PCDHGB2: variants seen among roughly 807,000 people sequenced by gnomAD.
The protein encoded by PCDHGB2 is protocadherin gamma subfamily B, 2.
In PCDHGB2, 55 loss-of-function variants were observed where a neutral mutation model predicts 59.3. The ratio of observed to expected loss-of-function variants is 0.93; its 90% CI spans 0.75 to 1.16. The LOEUF (loss-of-function observed/expected upper bound fraction) is 1.16. PCDHGB2 is among the 50% of genes most tolerant of loss of function. The pLI is 0.00. For missense variants in PCDHGB2, 1,228 were observed against 1,198.5 expected, an observed-to-expected ratio of 1.02 and a Z score of -0.36; for synonymous variants, 516 against 512.0, an observed-to-expected ratio of 1.01 and a Z score of -0.11.
Position 141,365,430 on chromosome 5 carries a change from C to T in PCDHGB2, c.2421+2874C>T, listed in dbSNP as rs151160787. The stretch of plus-strand genomic sequence containing the variant: ...GACTGTCTTCCCGGAACTGTAATCG[C>T]GCTGTTTAGCGTACATGATGGTGAT... On this transcript the variant is annotated intron_variant, in intron 1 of 3. Coordinates refer to ENST00000522605, the MANE Select transcript of PCDHGB2 (RefSeq NM_018923.3). 2.0e-4 allele frequency: 316 copies of T among 1,613,960 alleles called. 3 individuals are homozygous for T. The East Asian group carries it at 6.1e-3, about 31-fold the overall frequency.
At chr5:141,416,711 C>G (rs962144454) in intron 1 of PCDHGB2, 1 of 152,152 alleles carries the variant, frequency 6.6e-6, no homozygotes, top group South Asian at 2.1e-4. Context: ...ATTGGAGGTA[C>G]TGATGAGTTC....
chr5:141,433,259 T>C (rs776486704), intron 1 of PCDHGB2: 3 of 1,380,658 alleles, frequency 2.2e-6, no homozygotes, highest in Non-Finnish European at 3.0e-6. Flanking sequence ...AGCGGTACGA[T>C]CATAGCTCAC....
intron 1 of PCDHGB2, among the ~76,000 whole-genome samples, chr5:141,368,579 A>G (rs28694549): frequency 0.14 from 21,947 of 152,060 alleles, 2,144 homozygotes; most frequent in African/African-American, 0.28. Flanking sequence ...TCTTAGGGTA[A>G]GGTGTTTGGG....
At chr5:141,482,033 C>G (rs1185284483) in intron 1 of PCDHGB2, among the ~76,000 whole-genome samples, 1 of 149,194 alleles carries the variant, frequency 6.7e-6, no homozygotes, top group African/African-American at 2.5e-5. Flanking sequence ...TGCAGTGAGC[C>G]AAGATCATGC....
chr5:141,505,320 C>G, intron 2 of PCDHGB2, 73 bp from the exon 3 acceptor site: 2 of 1,605,358 alleles, frequency 1.2e-6, no homozygotes, highest in Non-Finnish European at 1.7e-6. Context: ...TTTGGGAGCC[C>G]TGGGAGAGGA....
chr5:141,397,375 T>C (rs2093516481), intron 1 of PCDHGB2, among the ~76,000 whole-genome samples: 1 of 152,174 alleles, frequency 6.6e-6, no homozygotes, highest in South Asian at 2.1e-4. Context: ...TGTTTGGGGA[T>C]TGGTATAAAA....
chr5:141,489,089 A>C lies in PCDHGB2; in HGVS notation c.2422-5718A>C. 6 of 284,452 alleles carry C rather than the reference A, an allele frequency of 2.1e-5. No individual in the cohort carries two copies. The highest frequency in any genetic ancestry group is 5.7e-5 in the East Asian group (1 of 17,568). The allele number at this position is 284,452 out of a possible 1,614,324, so 17.6% of individuals were successfully genotyped here. A position where few individuals can be genotyped will look rare whatever the true frequency, so the allele number is the denominator to read the frequency against. Reference sequence around the variant, plus strand: ...CCCTGCCCACCCCCGCCACTCGGTGACTAAGAACTGCTGCAAGCAGGCAAA... The same window carrying C: ...CCCTGCCCACCCCCGCCACTCGGTGCCTAAGAACTGCTGCAAGCAGGCAAA... On this transcript the variant is annotated intron_variant, in intron 1 of 3. Transcript: ENST00000522605. This position sits in a 1 kb window ranked among gnomAD's most constrained non-coding sequence, Gnocchi z 4.5.
Position 141,394,314 on chromosome 5 carries a change from CT to C in PCDHGB2, c.2421+31759del, listed in dbSNP as rs772070804. On this transcript the variant is annotated intron_variant, in intron 1 of 3. Transcript: ENST00000522605. ...CGAGGACACGCTGCAGGGGGCGCCC[CT>C]GTCCTCGTATATCTCCATCAACTCT... 4.3e-6 allele frequency: 7 copies of C among 1,614,038 alleles called. 1 individual carries two copies. Among genetic ancestry groups the C allele is most frequent in the East Asian group, 4.5e-5 (2 of 44,882 alleles).
At chr5:141,450,829 ATT>A (rs373424450) in intron 1 of PCDHGB2, among the ~76,000 whole-genome samples, 3 of 135,116 alleles carry the variant, frequency 2.2e-5, no homozygotes, top group African/African-American at 2.7e-5. Flanking sequence ...TATTATTATT[ATT>A]TTTTTTTTTT....
At chr5:141,383,558 C>A (rs374657057) in intron 1 of PCDHGB2, 1 of 1,612,822 alleles carries the variant, frequency 6.2e-7, no homozygotes, top group Admixed American at 1.7e-5. Flanking sequence ...GGCGGCGACC[C>A]GCCCCGATCC....
chr5:141,393,937 A>G lies in PCDHGB2; in HGVS notation c.2421+31381A>G, dbSNP rs751838967. 26 of 1,613,788 alleles carry G rather than the reference A, an allele frequency of 1.6e-5. 2 individuals are homozygous for G. In the South Asian group the frequency reaches 2.9e-4, roughly 18 times the overall value. On this transcript the variant is annotated intron_variant, in intron 1 of 3. Coordinates refer to ENST00000522605, the MANE Select transcript of PCDHGB2 (RefSeq NM_018923.3). ...GCCTTCTTGAGTGTGCATGACCAAG[A>G]CTCTGGAAAGAATGGTCAAGTTGTC...
Position 141,431,264 on chromosome 5 carries a change from A to T in PCDHGB2, c.2422-63543A>T. The T allele has an allele frequency of 6.2e-7, 1 of 1,614,170 alleles. No individual in the cohort carries two copies. On this transcript the variant is annotated intron_variant, in intron 1 of 3. Coordinates refer to ENST00000522605, the MANE Select transcript of PCDHGB2 (RefSeq NM_018923.3). This position sits in a 1 kb window ranked among gnomAD's most constrained non-coding sequence, Gnocchi z 4.8. ...GGATATCGGGAAGAACTCTCTGCAG[A>T]GCTACGAGCTCAGCCCGAACACTCA...
At chr5:141,390,230 A>T (rs2092091822) in intron 1 of PCDHGB2, 1 of 1,614,072 alleles carries the variant, frequency 6.2e-7, no homozygotes, top group Admixed American at 1.7e-5. Flanking sequence ...GCGGTGATTC[A>T]TCTGGGGCCT....
At chr5:141,418,899 T>C (rs1320380997) in intron 1 of PCDHGB2, 1 of 1,613,944 alleles carries the variant, frequency 6.2e-7, no homozygotes. Flanking sequence ...AGCCCAGAAA[T>C]AATCATCACG....
chr5:141,420,313 C>A, intron 1 of PCDHGB2: 1 of 1,434,874 alleles, frequency 7.0e-7, no homozygotes, highest in Non-Finnish European at 9.4e-7. Flanking sequence ...TTTTATATTA[C>A]AATATGCCAA....
intron 1 of PCDHGB2, among the ~76,000 whole-genome samples, chr5:141,387,440 A>G (rs2090946110): frequency 6.6e-6 from 1 of 152,240 alleles, no homozygotes; most frequent in African/African-American, 2.4e-5. Flanking sequence ...TATGTACTTA[A>G]TCTACATGAT....
At chr5:141,365,681 A>C in intron 1 of PCDHGB2, 2 of 1,613,224 alleles carry the variant, frequency 1.2e-6, no homozygotes, top group Non-Finnish European at 8.5e-7. Flanking sequence ...CAACCCACCC[A>C]ATTTCCCTCA....
chr5:141,500,877 A>ATTT (rs369345007), intron 2 of PCDHGB2, among the ~76,000 whole-genome samples: 1 of 122,288 alleles, frequency 8.2e-6, no homozygotes, highest in Admixed American at 8.0e-5. Context: ...TTCATTTACA[A>ATTT]TTTTTTTTTT....
chr5:141,376,493 C>T (rs1772744309), intron 1 of PCDHGB2: 1 of 1,614,130 alleles, frequency 6.2e-7, no homozygotes, highest in Non-Finnish European at 8.5e-7. Flanking sequence ...GAAAGGAGAA[C>T]CCAGGCAACT....
Sources: gnomAD v4.1 joint callset for allele counts (sites outside exome capture counted in the v4.1 genomes callset) on GRCh38, gnomAD v4.1.1 for gene constraint, Gnocchi (gnomAD v3.1) non-coding constraint, MANE v1.5 for transcripts, NCBI Gene and HGNC (gene_info 2026-07-23, HGNC 2026-07-21) for gene names.